The following SH3RF3 variants were observed in gnomAD, a reference collection of about 807,000 sequenced individuals.
SH3RF3 encodes E3 ubiquitin-protein ligase SH3RF3.
A neutral mutation model predicts 66.3 loss-of-function variants in SH3RF3; 29 were observed. The ratio of observed to expected loss-of-function variants is 0.44; its 90% CI spans 0.33 to 0.60. The LOEUF is 0.60. Among genes scored for constraint, SH3RF3 ranks in the 20% least tolerant of loss-of-function variants. The pLI, the probability that SH3RF3 is intolerant of heterozygous loss-of-function variation, is 0.04. For synonymous variants in SH3RF3, 583 were observed against 532.0 expected (o/e 1.10, Z -1.32); for missense variants, 1,194 against 1,190.9 (o/e 1.00, Z -0.04).
chr2:109,472,348 G>A (rs1678539863), intron 8 of SH3RF3, among the ~76,000 whole-genome samples: 2 of 102,306 alleles, frequency 2.0e-5, no homozygotes, highest in South Asian at 3.2e-4. Flanking sequence ...CGGTGGTCTC[G>A]GGCCGGTGTG....
chr2:109,274,742 G>A (rs1680711155), intron 1 of SH3RF3, among the ~76,000 whole-genome samples: 1 of 152,150 alleles, frequency 6.6e-6, no homozygotes, highest in African/African-American at 2.4e-5. Context: ...TGTAGTAAAT[G>A]CCATTAAATT....
chr2:109,446,384 A>G (rs1299162755), intron 7 of SH3RF3, among the ~76,000 whole-genome samples: 1 of 152,188 alleles, frequency 6.6e-6, no homozygotes, highest in Non-Finnish European at 1.5e-5. Context: ...TCCCCACCTC[A>G]TGGAGCTCCG....
chr2:109,412,599 C>G (rs1389195822), intron 4 of SH3RF3, among the ~76,000 whole-genome samples: 1 of 152,170 alleles, frequency 6.6e-6, no homozygotes, highest in East Asian at 1.9e-4. Context: ...TCACCCCTGC[C>G]CTTTGTCAGC....
At chr2:109,187,799 C>A (rs533498737) in intron 1 of SH3RF3, among the ~76,000 whole-genome samples, 2 of 152,302 alleles carry the variant, frequency 1.3e-5, no homozygotes, top group East Asian at 3.9e-4. Context: ...TTCCGACTTC[C>A]CTCTGACACC....
intron 1 of SH3RF3, among the ~76,000 whole-genome samples, chr2:109,150,087 G>A (rs1677195309): frequency 6.6e-6 from 1 of 152,156 alleles, no homozygotes; most frequent in Admixed American, 6.5e-5. Flanking sequence ...CCAGTGCTGG[G>A]GTGAGCAGCA....
At chr2:109,289,199 T>G (rs1356000694) in intron 1 of SH3RF3, among the ~76,000 whole-genome samples, 2 of 152,330 alleles carry the variant, frequency 1.3e-5, no homozygotes, top group Non-Finnish European at 2.9e-5. Flanking sequence ...CCCCTTTCTC[T>G]GCTGTCATAT....
chr2:109,267,856 A>G lies in SH3RF3; in HGVS notation c.574-79818A>G, dbSNP rs557392612. Among the ~76,000 whole-genome samples, 43 of 152,296 alleles carry G rather than the reference A, an allele frequency of 2.8e-4. 1 individual carries two copies. In the East Asian group the frequency reaches 7.8e-3, roughly 28 times the overall value. On this transcript the variant is annotated intron_variant, in intron 1 of 9. Coordinates refer to ENST00000309415, the MANE Select transcript of SH3RF3 (RefSeq NM_001099289.3). ...CAATGGGGCCAGGCTCCTGCTGGAC[A>G]GAGGTTGCTTGGGAGGCCACTGAGG...
At position 109,246,905 on chromosome 2, in the gene SH3RF3, A is replaced by T. The variant is rs552922603; in HGVS notation, c.574-100769A>T. On this transcript the variant is annotated intron_variant, in intron 1 of 9. Transcript: ENST00000309415. ...CAGGTTTGATGCTAGGACCCCTCTGACTCAGGGCTCCAGGCCAATGCTGCA... is the reference window on the plus strand; with the variant it reads ...CAGGTTTGATGCTAGGACCCCTCTGTCTCAGGGCTCCAGGCCAATGCTGCA... Among the ~76,000 whole-genome samples, 9 of 152,166 alleles carry T rather than the reference A, an allele frequency of 5.9e-5. No individual in the cohort carries two copies. In the East Asian group the frequency reaches 1.7e-3, roughly 29 times the overall value.
chr2:109,225,427 G>C (rs1679351964), intron 1 of SH3RF3, among the ~76,000 whole-genome samples: 1 of 152,146 alleles, frequency 6.6e-6, no homozygotes, highest in African/African-American at 2.4e-5. Context: ...GTTTCACAAC[G>C]ATTCTCACAC....
At chr2:109,408,617 C>T (rs1394227989) in intron 4 of SH3RF3, among the ~76,000 whole-genome samples, 1 of 152,244 alleles carries the variant, frequency 6.6e-6, no homozygotes, top group East Asian at 1.9e-4. Flanking sequence ...AGAGTGCTTT[C>T]CCTCTCTGTA....
intron 1 of SH3RF3, among the ~76,000 whole-genome samples, chr2:109,191,150 G>A (rs940154870): frequency 6.6e-6 from 1 of 152,122 alleles, no homozygotes; most frequent in African/African-American, 2.4e-5. Flanking sequence ...TGAGAGTAGA[G>A]GGTCCCCAAC....
chr2:109,218,321 G>C (rs553677470), intron 1 of SH3RF3, among the ~76,000 whole-genome samples: 1 of 152,268 alleles, frequency 6.6e-6, no homozygotes, highest in Admixed American at 6.5e-5. Flanking sequence ...AGGAAGGTGT[G>C]GATTTCTTCT....
At chr2:109,392,031 A>G (rs6732348) in intron 3 of SH3RF3, among the ~76,000 whole-genome samples, 83,762 of 151,754 alleles carry the variant, frequency 0.55, 23,996 homozygotes, top group African/African-American at 0.7. Flanking sequence ...ACCCAGGCTG[A>G]TCTCGAACTC....
At chr2:109,314,902 C>A in intron 1 of SH3RF3, among the ~76,000 whole-genome samples, 1 of 152,296 alleles carries the variant, frequency 6.6e-6, no homozygotes, top group Admixed American at 6.5e-5. Context: ...GCTAAGCCCT[C>A]GCTGGTGACC....
At position 109,272,971 on chromosome 2, in the gene SH3RF3, A is replaced by G. The variant is rs574039500; in HGVS notation, c.574-74703A>G. ...AAGGACCCGTATTTTTTCCCTATTA[A>G]GCTACTGGAAGAAATTAAAACAGGG... is the stretch of plus-strand genomic sequence containing the variant. On this transcript the variant is annotated intron_variant, in intron 1 of 9. Coordinates refer to ENST00000309415, the MANE Select transcript of SH3RF3 (RefSeq NM_001099289.3). 3.4e-3 allele frequency among the ~76,000 whole-genome samples: 516 copies of G among 152,328 alleles called. 1 individual carries two copies. Among genetic ancestry groups the G allele is most frequent in the Admixed American group, 6.0e-3 (91 of 15,294 alleles).
chr2:109,472,629 G>A (rs958299490), intron 8 of SH3RF3, among the ~76,000 whole-genome samples: 1 of 152,158 alleles, frequency 6.6e-6, no homozygotes. Flanking sequence ...CAAAATTCAG[G>A]AAGTGAGCTT....
chr2:109,483,103 G>A (rs936745859), intron 8 of SH3RF3, among the ~76,000 whole-genome samples: 1 of 152,008 alleles, frequency 6.6e-6, no homozygotes, highest in Non-Finnish European at 1.5e-5. Context: ...AAACCCTCCT[G>A]TGCTCTTCCA....
At chr2:109,272,498 A>G (rs1160034215) in intron 1 of SH3RF3, among the ~76,000 whole-genome samples, 1 of 152,158 alleles carries the variant, frequency 6.6e-6, no homozygotes, top group Non-Finnish European at 1.5e-5. Context: ...CTTCGCCTCT[A>G]ACTGTGTGCT....
intron 1 of SH3RF3, among the ~76,000 whole-genome samples, chr2:109,170,274 CT>C (rs1677737590): frequency 1.0e-5 from 1 of 97,450 alleles, no homozygotes; most frequent in Non-Finnish European, 2.4e-5. Flanking sequence ...CTTCTCTTCT[CT>C]TCTCTTCTCT....
Sources: gnomAD v4.1 joint callset for allele counts (sites outside exome capture counted in the v4.1 genomes callset) on GRCh38, gnomAD v4.1.1 for gene constraint, MANE v1.5 for transcripts, NCBI Gene and HGNC (gene_info 2026-07-23, HGNC 2026-07-21) for gene names.